FAT3: variants seen among roughly 807,000 people sequenced by gnomAD.
FAT3 encodes the protein protocadherin Fat 3.
In FAT3, 95 loss-of-function variants were observed where a neutral mutation model predicts 310.2. That is an observed-to-expected ratio of 0.31 (90% CI 0.26 to 0.36). The LOEUF (loss-of-function observed/expected upper bound fraction) is 0.36, where lower values mean the gene tolerates loss of function less well. Ranked by LOEUF, FAT3 falls within the 10% of genes least tolerant of loss-of-function variation. The pLI, the probability that FAT3 is intolerant of heterozygous loss-of-function variation, is 1.00. For synonymous variants in FAT3, 2,314 were observed against 2,192.9 expected, an observed-to-expected ratio of 1.06 and a Z score of -1.54; for missense variants, 5,408 against 5,715.6, an observed-to-expected ratio of 0.95 and a Z score of 1.74.
At chr11:92,781,075 C>CTTTTTTTTTTTT (rs10649331) in intron 7 of FAT3, among the ~76,000 whole-genome samples, 1 of 121,984 alleles carries the variant, frequency 8.2e-6, no homozygotes, top group Non-Finnish European at 1.7e-5. Context: ...TTTCTTTATT[C>CTTTTTTTTTTTT]TTTTTTTTTT....
rs71473973 is a variant in FAT3, at chr11:92,551,414, T to TTGTG, written c.3607+26494_3607+26497dup. Among the ~76,000 whole-genome samples the TTGTG allele has an allele frequency of 1.6e-4, 20 of 128,964 alleles. 1 individual carries two copies. The highest frequency in any genetic ancestry group is 4.6e-4 in the African/African-American group (16 of 34,670). 84.6% of individuals were successfully genotyped at this position (128,964 alleles called of 152,430 possible). On this transcript the variant is annotated intron_variant, in intron 3 of 27. Transcript: ENST00000525166. Reference sequence around the variant, plus strand: ...ATCTTGGTCCCATGTTTTTTTTGTTTTGTGTGTGTGTGTGTGTGTGTGTGT... The same window carrying TTGTG: ...ATCTTGGTCCCATGTTTTTTTTGTTTTGTGTGTGTGTGTGTGTGTGTGTGTGTGT...
intron 3 of FAT3, among the ~76,000 whole-genome samples, chr11:92,671,587 C>T (rs1286302157): frequency 6.6e-6 from 1 of 152,018 alleles, no homozygotes; most frequent in African/African-American, 2.4e-5. Flanking sequence ...TAAGTTTGGT[C>T]CTCTCATCCT....
chr11:92,544,131 G>C (rs971880116), intron 3 of FAT3, among the ~76,000 whole-genome samples: 2 of 152,176 alleles, frequency 1.3e-5, no homozygotes, highest in Non-Finnish European at 2.9e-5. Flanking sequence ...CAAATTATTG[G>C]TTCTGTTTTG....
At chr11:92,688,352 G>T (rs1565514337) in intron 3 of FAT3, among the ~76,000 whole-genome samples, 1 of 152,020 alleles carries the variant, frequency 6.6e-6, no homozygotes, top group Non-Finnish European at 1.5e-5. Context: ...TTATTGTCCT[G>T]TAAATTATTT....
intron 19 of FAT3, among the ~76,000 whole-genome samples, chr11:92,846,697 C>A (rs565472206): frequency 6.6e-6 from 1 of 152,268 alleles, no homozygotes; most frequent in Non-Finnish European, 1.5e-5. Flanking sequence ...CTCCATAAAC[C>A]TTTCTACTCC....
chr11:92,869,077 TC>T (rs548796453), intron 22 of FAT3, among the ~76,000 whole-genome samples: 294 of 152,338 alleles, frequency 1.9e-3, no homozygotes, highest in Non-Finnish European at 3.7e-3. Flanking sequence ...GGATCAGGAT[TC>T]TACAACAGGT....
At chr11:92,413,824 T>C (rs1221271965) in intron 2 of FAT3, among the ~76,000 whole-genome samples, 1 of 152,076 alleles carries the variant, frequency 6.6e-6, no homozygotes, top group Non-Finnish European at 1.5e-5. Context: ...GAGAGGAAAG[T>C]TTCTTAGCAG....
intron 22 of FAT3, among the ~76,000 whole-genome samples, chr11:92,876,970 T>C (rs1169970067): frequency 6.6e-6 from 1 of 152,206 alleles, no homozygotes; most frequent in Non-Finnish European, 1.5e-5. Context: ...GTCTTAGATA[T>C]GGGGAAAGCC....
At chr11:92,531,058 G>T (rs968682176) in intron 3 of FAT3, among the ~76,000 whole-genome samples, 4 of 152,196 alleles carry the variant, frequency 2.6e-5, no homozygotes, top group Non-Finnish European at 4.4e-5. Context: ...GGTAGAAATG[G>T]CTGCCGGATG....
intron 3 of FAT3, among the ~76,000 whole-genome samples, chr11:92,571,758 A>G (rs1955671456): frequency 6.6e-6 from 1 of 150,690 alleles, no homozygotes; most frequent in African/African-American, 2.5e-5. Context: ...CCTGGTTCTT[A>G]GTTTTCTTTA....
Position 92,857,297 on chromosome 11 carries a change from A to G in FAT3, c.11449A>G (p.Arg3817Gly). The change falls in exon 20 of 28, where the codon AGG becomes GGG. Residue 3817 changes from arginine (R) to glycine (G), a missense_variant. Arg to Gly is a moderately radical substitution (Grantham distance 125). This residue lies in a region of FAT3 where 4,588 missense variants were observed against 4,809.8 expected (regional missense o/e 0.95). Coordinates refer to ENST00000525166, the MANE Select transcript of FAT3 (RefSeq NM_001367949.2). ...GCAGTGTGTCAGTTATGAAGCCAGC[A>G]GGAGACCGTTCCTCTGCCAGTGTCC... ...DMQCVSYEASRRPFLCQCPPG... is the reference protein window; with the variant it reads ...DMQCVSYEASGRPFLCQCPPG... 2 of 1,613,998 alleles carry G rather than the reference A, an allele frequency of 1.2e-6. No individual in the cohort carries two copies. Among genetic ancestry groups the G allele is most frequent in the Non-Finnish European group, 8.5e-7 (1 of 1,179,882 alleles).
At chr11:92,746,768 C>A (rs2136041970) in intron 4 of FAT3, among the ~76,000 whole-genome samples, 1 of 152,238 alleles carries the variant, frequency 6.6e-6, no homozygotes, top group South Asian at 2.1e-4. Context: ...AGAAATTGGC[C>A]AAAACATAGG....
intron 3 of FAT3, among the ~76,000 whole-genome samples, chr11:92,629,127 C>G (rs1350882996): frequency 6.6e-6 from 1 of 152,214 alleles, no homozygotes; most frequent in Non-Finnish European, 1.5e-5. Context: ...CTGCAGCACT[C>G]TCTAGCAGGG....
Position 92,521,527 on chromosome 11 carries a change from ACG to A in FAT3, c.3293-3105_3293-3104del, listed in dbSNP as rs199841773. ...GTACTCAGCATGTGCTATGCCACAC[ACG>A]CATTTTGCCAAACTTTTGGTGTACA... On this transcript the variant is annotated intron_variant, in intron 2 of 27. Transcript: ENST00000525166. Among the ~76,000 whole-genome samples the A allele has an allele frequency of 2.7e-4, 40 of 146,040 alleles. No individual in the cohort carries two copies. In the East Asian group the frequency reaches 7.9e-3, roughly 29 times the overall value.
intron 4 of FAT3, among the ~76,000 whole-genome samples, chr11:92,729,261 ATAAATGTCATTGTTAT>A (rs1453553768): frequency 6.6e-6 from 1 of 152,108 alleles, no homozygotes; most frequent in African/African-American, 2.4e-5. Flanking sequence ...AGAGCACTCG[ATAAATGTCATTGTTAT>A]TATTGGTGTG....
At chr11:92,445,291 C>T (rs536115871) in intron 2 of FAT3, among the ~76,000 whole-genome samples, 17 of 152,102 alleles carry the variant, frequency 1.1e-4, no homozygotes, top group South Asian at 2.1e-4. Flanking sequence ...TTTTTTTCAA[C>T]AATGCTGATA....
chr11:92,514,018 C>A lies in FAT3; in HGVS notation c.3293-10616C>A, dbSNP rs1953394379. Among the ~76,000 whole-genome samples, 4 of 152,222 alleles carry A rather than the reference C, an allele frequency of 2.6e-5. No individual in the cohort carries two copies. In the South Asian group the frequency reaches 8.3e-4, roughly 32 times the overall value. ...AAACAACCTAGCATGTAATATTTATCTAATTATGAACAGCTTTATATATTT... is the reference window on the plus strand; with the variant it reads ...AAACAACCTAGCATGTAATATTTATATAATTATGAACAGCTTTATATATTT... On this transcript the variant is annotated intron_variant, in intron 2 of 27. Transcript: ENST00000525166.
intron 17 of FAT3, among the ~76,000 whole-genome samples, chr11:92,838,856 T>C (rs1948468672): frequency 6.6e-6 from 1 of 152,192 alleles, no homozygotes; most frequent in South Asian, 2.1e-4. Flanking sequence ...GAAGCAGCTG[T>C]CTGCTGGTTC....
intron 4 of FAT3, among the ~76,000 whole-genome samples, chr11:92,723,564 T>C (rs1483166333): frequency 6.6e-6 from 1 of 152,176 alleles, no homozygotes; most frequent in Non-Finnish European, 1.5e-5. Flanking sequence ...AGGGCTTCAC[T>C]CTCGGTACCA....
Sources: gnomAD v4.1 joint callset for allele counts (sites outside exome capture counted in the v4.1 genomes callset) on GRCh38, gnomAD v4.1.1 for gene constraint, gnomAD v4.1.1 regional missense constraint, MANE v1.5 for transcripts, NCBI Gene and HGNC (gene_info 2026-07-23, HGNC 2026-07-21) for gene names.